Variants in KCNIP4 observed in about 807,000 individuals in gnomAD.
KCNIP4 encodes the protein Kv channel-interacting protein 4.
In KCNIP4, 12 loss-of-function variants were observed where a neutral mutation model predicts 34.0. That is an observed-to-expected ratio of 0.35 (90% CI 0.23 to 0.57). The LOEUF (loss-of-function observed/expected upper bound fraction) is 0.57, where lower values mean the gene tolerates loss of function less well. Ranked by LOEUF, KCNIP4 falls within the 20% of genes least tolerant of loss-of-function variation. The pLI, the probability that KCNIP4 is intolerant of heterozygous loss-of-function variation, is 0.83. For missense variants in KCNIP4, 238 were observed against 311.7 expected (o/e 0.76, Z 1.78); for synonymous variants, 124 against 102.2 (o/e 1.21, Z -1.29).
intron 1 of KCNIP4, among the ~76,000 whole-genome samples, chr4:20,933,743 A>AG (rs1168224796): frequency 5.4e-5 from 1 of 18,634 alleles, no homozygotes; most frequent in Non-Finnish European, 1.9e-4. Flanking sequence ...GCTGAAAAAG[A>AG]AAAAAAAAAA....
chr4:20,964,912 G>A (rs1382464207), intron 1 of KCNIP4, among the ~76,000 whole-genome samples: 2 of 152,204 alleles, frequency 1.3e-5, no homozygotes, highest in East Asian at 3.9e-4. Flanking sequence ...TTTTCAATTA[G>A]GAGGCACATT....
intron 1 of KCNIP4, among the ~76,000 whole-genome samples, chr4:21,274,599 A>G (rs1466597115): frequency 1.3e-5 from 2 of 152,204 alleles, no homozygotes; most frequent in African/African-American, 4.8e-5. Context: ...AAAATAGCAC[A>G]GAACTGTAAT....
intron 1 of KCNIP4, among the ~76,000 whole-genome samples, chr4:20,899,765 C>T (rs1726963930): frequency 6.6e-6 from 1 of 152,134 alleles, no homozygotes; most frequent in Non-Finnish European, 1.5e-5. Flanking sequence ...TCCCTTAAAG[C>T]TTGCAGATAA....
chr4:21,651,487 T>C (rs370649851), intron 1 of KCNIP4, among the ~76,000 whole-genome samples: 4 of 152,332 alleles, frequency 2.6e-5, no homozygotes, highest in African/African-American at 9.6e-5. Context: ...ATAATTTTGT[T>C]AACTGCAATT....
At chr4:21,364,000 G>A (rs553660848) in intron 1 of KCNIP4, among the ~76,000 whole-genome samples, 1 of 152,206 alleles carries the variant, frequency 6.6e-6, no homozygotes, top group South Asian at 2.1e-4. Context: ...CTGGAAGGAT[G>A]GAATGGAGCT....
intron 1 of KCNIP4, among the ~76,000 whole-genome samples, chr4:21,137,473 A>G (rs1305993584): frequency 6.6e-6 from 1 of 152,182 alleles, no homozygotes; most frequent in Admixed American, 6.5e-5. Context: ...ACATTTGAAG[A>G]TGCCATATCT....
At chr4:21,092,364 C>T (rs1462279364) in intron 1 of KCNIP4, among the ~76,000 whole-genome samples, 2 of 151,902 alleles carry the variant, frequency 1.3e-5, no homozygotes, top group African/African-American at 2.4e-5. Flanking sequence ...AGGAGTCAGT[C>T]TAAAAGGAAT....
At chr4:21,182,966 T>A (rs1194869639) in intron 1 of KCNIP4, among the ~76,000 whole-genome samples, 1 of 152,132 alleles carries the variant, frequency 6.6e-6, no homozygotes, top group Non-Finnish European at 1.5e-5. Context: ...ATTCCTCCTA[T>A]CTAAATGAAA....
At chr4:21,504,019 G>T (rs575014503) in intron 1 of KCNIP4, among the ~76,000 whole-genome samples, 1 of 152,290 alleles carries the variant, frequency 6.6e-6, no homozygotes, top group Non-Finnish European at 1.5e-5. Flanking sequence ...TGTTAAAAAT[G>T]TTAATTCCCA....
chr4:21,055,836 A>G (rs1296642552), intron 1 of KCNIP4, among the ~76,000 whole-genome samples: 1 of 152,180 alleles, frequency 6.6e-6, no homozygotes, highest in Non-Finnish European at 1.5e-5. Context: ...AGTAAAAAAT[A>G]CTCTGTATGA....
chr4:20,817,675 C>CT (rs34264945), intron 3 of KCNIP4, among the ~76,000 whole-genome samples: 1,773 of 140,802 alleles, frequency 0.013, 22 homozygotes, highest in African/African-American at 0.041. Context: ...CTTTGAGGAT[C>CT]TTTTTTTTTT....
intron 1 of KCNIP4, among the ~76,000 whole-genome samples, chr4:21,632,554 T>C (rs1745841827): frequency 6.6e-6 from 1 of 152,198 alleles, no homozygotes; most frequent in South Asian, 2.1e-4. Context: ...ACCTCCTCTT[T>C]GCCTTTCATG....
At chr4:21,380,159 T>TA (rs1721348056) in intron 1 of KCNIP4, among the ~76,000 whole-genome samples, 1 of 152,128 alleles carries the variant, frequency 6.6e-6, no homozygotes, top group South Asian at 2.1e-4. Context: ...ATGTACATTG[T>TA]AAAAACGCTA....
intron 1 of KCNIP4, among the ~76,000 whole-genome samples, chr4:21,491,938 C>G (rs189082793): frequency 3.4e-4 from 52 of 152,306 alleles, no homozygotes; most frequent in Admixed American, 3.4e-3. Flanking sequence ...TATGTTGGGA[C>G]AGTCACAGAC....
At chr4:21,085,073 G>A (rs1447016768) in intron 1 of KCNIP4, among the ~76,000 whole-genome samples, 1 of 151,984 alleles carries the variant, frequency 6.6e-6, no homozygotes, top group African/African-American at 2.4e-5. Context: ...TGGACTCAAT[G>A]TTTGTGCCCC....
chr4:20,871,625 C>T (rs1723470638), intron 2 of KCNIP4, among the ~76,000 whole-genome samples: 1 of 152,014 alleles, frequency 6.6e-6, no homozygotes, highest in African/African-American at 2.4e-5. Context: ...GTGGTATTCA[C>T]CAACAAGAAA....
chr4:21,235,705 T>G (rs1231258696), intron 1 of KCNIP4, among the ~76,000 whole-genome samples: 1 of 152,220 alleles, frequency 6.6e-6, no homozygotes, highest in African/African-American at 2.4e-5. Context: ...ATGTAACTTC[T>G]ATGAGGCAAG....
At chr4:20,772,158 TG>T (rs1322200953) in intron 3 of KCNIP4, among the ~76,000 whole-genome samples, 1 of 152,182 alleles carries the variant, frequency 6.6e-6, no homozygotes, top group East Asian at 1.9e-4. Context: ...GATTTGAACT[TG>T]AGTTTGACTG....
chr4:21,854,847 T>C (rs1387960625), intron 1 of KCNIP4, among the ~76,000 whole-genome samples: 1 of 152,176 alleles, frequency 6.6e-6, no homozygotes, highest in African/African-American at 2.4e-5. Flanking sequence ...TAATACAACA[T>C]TTGTTCTATT....
Sources: allele counts gnomAD v4.1 joint callset (sites outside exome capture counted in the v4.1 genomes callset), GRCh38; gene constraint gnomAD v4.1.1; transcripts MANE v1.5; gene names NCBI Gene and HGNC (gene_info 2026-07-23, HGNC 2026-07-21).